TLR6: variants seen among roughly 807,000 people sequenced by gnomAD.
The protein encoded by TLR6 is toll-like receptor 6.
TLR6 carries 9 observed loss-of-function variants against 16.1 expected under a neutral mutation model. The observed-to-expected ratio is 0.56, with a 90% CI of 0.34 to 0.98. TLR6 has a LOEUF of 0.98. Ranked by LOEUF, TLR6 falls within the 50% of genes least tolerant of loss-of-function variation. The pLI, the probability that TLR6 is intolerant of heterozygous loss-of-function variation, is 0.02. For missense variants in TLR6, 786 were observed against 921.0 expected (o/e 0.85, Z 1.90); for synonymous variants, 340 against 338.6 (o/e 1.00, Z -0.04).
intron 1 of TLR6, among the ~76,000 whole-genome samples, chr4:38,852,311 T>C (rs951928378): frequency 1.2e-4 from 18 of 152,318 alleles, no homozygotes; most frequent in African/African-American, 3.8e-4. Flanking sequence ...ATTCAGGACA[T>C]AGGCATGGGC....
chr4:38,844,939 T>G (rs11937780), intron 1 of TLR6, among the ~76,000 whole-genome samples: 37,295 of 151,892 alleles, frequency 0.25, 5,050 homozygotes, highest in Non-Finnish European at 0.28. Context: ...CACACCTGTA[T>G]TCCCAGCTAC....
chr4:38,850,976 C>A (rs959735978), intron 1 of TLR6, among the ~76,000 whole-genome samples: 1 of 152,124 alleles, frequency 6.6e-6, no homozygotes, highest in Non-Finnish European at 1.5e-5. Context: ...ATACAAAAAT[C>A]CTCAATAAAA....
the TLR6 span, among the ~76,000 whole-genome samples, chr4:38,863,050 C>T: frequency 6.6e-6 from 1 of 151,540 alleles, no homozygotes; most frequent in East Asian, 1.9e-4. Context: ...GTTCTCCTCT[C>T]ATTCTCTTAA....
intron 1 of TLR6, among the ~76,000 whole-genome samples, chr4:38,836,647 A>C (rs192422526): frequency 1.2e-4 from 19 of 152,272 alleles, no homozygotes; most frequent in African/African-American, 4.6e-4. Context: ...TGATACCAAA[A>C]CCAGACAAGG....
intron 1 of TLR6, among the ~76,000 whole-genome samples, chr4:38,851,561 A>G (rs1433942321): frequency 3.3e-5 from 5 of 152,320 alleles, no homozygotes; most frequent in Non-Finnish European, 5.9e-5. Context: ...AAATCAATGT[A>G]CAAAAATCAC....
At chr4:38,844,590 C>T (rs921395800) in intron 1 of TLR6, among the ~76,000 whole-genome samples, 2 of 151,800 alleles carry the variant, frequency 1.3e-5, no homozygotes, top group Admixed American at 6.6e-5. Flanking sequence ...TAAGCTGTAC[C>T]CTACAAAAAG....
downstream of TLR6, among the ~76,000 whole-genome samples, chr4:38,823,395 C>T (rs922608573): frequency 1.3e-5 from 2 of 152,164 alleles, no homozygotes; most frequent in African/African-American, 4.8e-5. Flanking sequence ...TGATGTTCAA[C>T]CAAAGTCAAA....
chr4:38,828,905 C>A (rs1357880696), exon 2 of TLR6: 1 of 1,610,326 alleles, frequency 6.2e-7, no homozygotes, highest in Admixed American at 1.7e-5. Flanking sequence ...AATTTGTAGA[C>A]TTTCTGTCTC....
At chr4:38,843,995 T>G (rs1412307635) in intron 1 of TLR6, among the ~76,000 whole-genome samples, 1 of 152,204 alleles carries the variant, frequency 6.6e-6, no homozygotes, top group Non-Finnish European at 1.5e-5. Context: ...AACTAGTACT[T>G]AATGAGTAGC....
At chr4:38,856,816 T>C (rs1001238854) in exon 1 of TLR6, 1 of 144,332 alleles carries the variant, frequency 6.9e-6, no homozygotes, top group Non-Finnish European at 1.5e-5. Flanking sequence ...GGAAATACAA[T>C]TGAAAATGCT....
rs1470191727 is a variant in TLR6, at chr4:38,828,399, T to C, written c.1075A>G (p.Asn359Asp). ...TCTGTGAAAACGTTCTGGGTAAAGTTCAAAAACTTGAATGTGCTTGGTGCA... is the reference window on the plus strand; with the variant it reads ...TCTGTGAAAACGTTCTGGGTAAAGTCCAAAAACTTGAATGTGCTTGGTGCA... The change falls in exon 2 of 2, where the codon AAC becomes GAC. Residue 359 changes from asparagine (N) to aspartate (D), a missense_variant. Transcript: ENST00000436693. The C allele has an allele frequency of 3.7e-6, 6 of 1,613,058 alleles. No individual in the cohort carries two copies. In the South Asian group the frequency reaches 4.4e-5, roughly 12 times the overall value.
At chr4:38,828,065 A>T in exon 2 of TLR6, 3 of 1,614,240 alleles carry the variant, frequency 1.9e-6, no homozygotes, top group Non-Finnish European at 2.5e-6. Context: ...TTCCAGTTTT[A>T]CGACTTGTTT....
intron 1 of TLR6, among the ~76,000 whole-genome samples, chr4:38,841,133 G>A (rs1712239504): frequency 6.6e-6 from 1 of 151,898 alleles, no homozygotes; most frequent in South Asian, 2.1e-4. Context: ...TTTACAATTT[G>A]CTATGCTATG....
intron 1 of TLR6, among the ~76,000 whole-genome samples, chr4:38,830,775 G>C (rs1711537181): frequency 6.6e-6 from 1 of 152,104 alleles, no homozygotes; most frequent in Non-Finnish European, 1.5e-5. Context: ...TTGATTTCTA[G>C]AGTTACCTCA....
intron 1 of TLR6, among the ~76,000 whole-genome samples, chr4:38,851,212 G>T (rs2109469883): frequency 6.6e-6 from 1 of 152,188 alleles, no homozygotes; most frequent in African/African-American, 2.4e-5. Context: ...AATAAATTAG[G>T]TATTGATGGG....
chr4:38,829,385 T>G (rs746967682), exon 2 of TLR6: 1 of 1,614,128 alleles, frequency 6.2e-7, no homozygotes, highest in East Asian at 2.2e-5. Context: ...TTCATTTCCG[T>G]CGGAGAACTG....
intron 1 of TLR6, among the ~76,000 whole-genome samples, chr4:38,856,032 G>T (rs917926297): frequency 4.6e-5 from 7 of 152,046 alleles, no homozygotes; most frequent in African/African-American, 1.7e-4. Context: ...AATAAGTGGA[G>T]GAAAGATCAC....
chr4:38,857,671 A>G (rs1217950198), upstream of TLR6, among the ~76,000 whole-genome samples: 3 of 152,150 alleles, frequency 2.0e-5, no homozygotes, highest in East Asian at 1.9e-4. Flanking sequence ...AAAAACAACA[A>G]CAAGTTAAGA....
intron 1 of TLR6, among the ~76,000 whole-genome samples, chr4:38,848,731 A>G (rs528017815): frequency 2.0e-5 from 3 of 152,354 alleles, no homozygotes; most frequent in East Asian, 1.9e-4. Context: ...TTTAGAGGAA[A>G]AAGAGTAAAA....
Sources: allele counts gnomAD v4.1 joint callset (sites outside exome capture counted in the v4.1 genomes callset), GRCh38; gene constraint gnomAD v4.1.1; transcripts MANE v1.5; gene names NCBI Gene and HGNC (gene_info 2026-07-23, HGNC 2026-07-21).